Variants in PKIA observed in about 807,000 individuals in gnomAD.
PKIA encodes PKI-alpha.
PKIA carries 4 observed loss-of-function variants against 7.6 expected under a neutral mutation model. The observed-to-expected ratio is 0.52, with a 90% CI of 0.26 to 1.20. PKIA has a LOEUF of 1.20. Among genes scored for constraint, PKIA ranks in the 50% most tolerant of loss-of-function variants. PKIA has a pLI of 0.13. For missense variants in PKIA, 73 were observed against 86.2 expected (o/e 0.85, Z 0.61); for synonymous variants, 21 against 30.7 (o/e 0.68, Z 1.04).
chr8:78,542,383 T>C (rs1336756625), intron 1 of PKIA, among the ~76,000 whole-genome samples: 1 of 152,110 alleles, frequency 6.6e-6, no homozygotes, highest in Non-Finnish European at 1.5e-5. Flanking sequence ...CCAGCACCTA[T>C]ATTCATCTAT....
In PKIA at chr8:78,533,590, C is replaced by T. The variant is rs562355939; in HGVS notation, c.-157+17122C>T. Among the ~76,000 whole-genome samples, 3 of 152,224 alleles carry T rather than the reference C, an allele frequency of 2.0e-5. No homozygotes were observed. In the East Asian group the frequency reaches 5.8e-4, roughly 29 times the overall value. On this transcript the variant is annotated intron_variant, in intron 1 of 3. Coordinates refer to ENST00000396418, the MANE Select transcript of PKIA (RefSeq NM_006823.4). ...AGGAAAAGAGGGCTGGGCACAGTGG[C>T]TCACATCTATAATCCCAGCACTTTA...
At chr8:78,601,521 T>A (rs759372471) in intron 3 of PKIA, among the ~76,000 whole-genome samples, 8 of 152,058 alleles carry the variant, frequency 5.3e-5, no homozygotes, top group Non-Finnish European at 7.4e-5. Context: ...ATTATTTTGT[T>A]TTTGAGCCGT....
intron 1 of PKIA, among the ~76,000 whole-genome samples, chr8:78,570,180 G>C (rs1807512071): frequency 6.6e-6 from 1 of 152,062 alleles, no homozygotes; most frequent in Non-Finnish European, 1.5e-5. Context: ...ACAGATTTAA[G>C]AACCTAAGCA....
chr8:78,540,709 A>AT (rs774998973), intron 1 of PKIA, among the ~76,000 whole-genome samples: 4,353 of 146,298 alleles, frequency 0.03, 83 homozygotes, highest in Middle Eastern at 0.08. Context: ...TTTTTCGCAA[A>AT]TTTTTTTTTT....
intron 2 of PKIA, among the ~76,000 whole-genome samples, chr8:78,582,794 A>T (rs1807850547): frequency 6.6e-6 from 1 of 152,148 alleles, no homozygotes; most frequent in South Asian, 2.1e-4. Flanking sequence ...CGCAAACTCA[A>T]AACAGTTGAA....
At chr8:78,601,688 TA>T in intron 3 of PKIA, 53 bp from the exon 4 acceptor site, 1 of 1,344,846 alleles carries the variant, frequency 7.4e-7, no homozygotes, top group Non-Finnish European at 1.1e-6. Flanking sequence ...AGTTGGTAAA[TA>T]AAAGCAATCA....
chr8:78,577,291 A>T (rs1807696989), intron 2 of PKIA, among the ~76,000 whole-genome samples: 1 of 151,864 alleles, frequency 6.6e-6, no homozygotes, highest in Admixed American at 6.6e-5. Flanking sequence ...GAGCTAAATG[A>T]TGAGAATTCC....
At chr8:78,580,559 G>A (rs1585917022) in intron 2 of PKIA, among the ~76,000 whole-genome samples, 1 of 152,052 alleles carries the variant, frequency 6.6e-6, no homozygotes, top group Admixed American at 6.6e-5. Context: ...GCACCGAGGA[G>A]CATAGTGTGA....
intron 1 of PKIA, among the ~76,000 whole-genome samples, chr8:78,531,456 T>A (rs373232417): frequency 6.6e-6 from 1 of 152,164 alleles, no homozygotes; most frequent in South Asian, 2.1e-4. Flanking sequence ...ATGTTAATGT[T>A]TTGTATATTC....
At chr8:78,560,798 C>T (rs7844056) in intron 1 of PKIA, among the ~76,000 whole-genome samples, 36,051 of 152,048 alleles carry the variant, frequency 0.24, 4,927 homozygotes, top group African/African-American at 0.38. Flanking sequence ...TGAAAAGATA[C>T]ATAACATTTT....
At chr8:78,534,891 A>G (rs1177398113) in intron 1 of PKIA, 1 of 152,176 alleles carries the variant, frequency 6.6e-6, no homozygotes, top group South Asian at 2.1e-4. Context: ...CAGTTCATCA[A>G]ATACAGCCCT....
intron 1 of PKIA, among the ~76,000 whole-genome samples, chr8:78,544,965 A>G (rs1806784855): frequency 6.6e-6 from 1 of 152,158 alleles, no homozygotes; most frequent in Non-Finnish European, 1.5e-5. Context: ...TATATCCATT[A>G]TATGTCATAT....
chr8:78,572,341 A>C (rs921735079), intron 1 of PKIA, among the ~76,000 whole-genome samples: 1 of 151,820 alleles, frequency 6.6e-6, no homozygotes, highest in African/African-American at 2.4e-5. Flanking sequence ...ACAAATTCCA[A>C]TGTTTATGAA....
chr8:78,578,228 A>T (rs780018275), intron 2 of PKIA, among the ~76,000 whole-genome samples: 18 of 152,018 alleles, frequency 1.2e-4, no homozygotes, highest in Non-Finnish European at 1.9e-4. Context: ...CTGATTCTAA[A>T]ATTGTTATGA....
intron 1 of PKIA, among the ~76,000 whole-genome samples, chr8:78,551,705 A>G (rs1319560226): frequency 6.6e-6 from 1 of 152,020 alleles, no homozygotes; most frequent in African/African-American, 2.4e-5. Flanking sequence ...AGGGAGTGTC[A>G]ACACAAGGAG....
intron 1 of PKIA, among the ~76,000 whole-genome samples, chr8:78,569,085 C>A (rs1173474216): frequency 1.3e-5 from 2 of 152,074 alleles, no homozygotes; most frequent in Non-Finnish European, 2.9e-5. Flanking sequence ...GGGAGCTAAG[C>A]CCCCGCCTCT....
At chr8:78,540,081 T>TAAA in intron 1 of PKIA, among the ~76,000 whole-genome samples, 1 of 129,068 alleles carries the variant, frequency 7.7e-6, no homozygotes. Flanking sequence ...AGAAATGAAG[T>TAAA]AAAAAAAAAA....
chr8:78,589,714 C>A (rs1193170897), intron 2 of PKIA, among the ~76,000 whole-genome samples: 1 of 151,972 alleles, frequency 6.6e-6, no homozygotes, highest in East Asian at 1.9e-4. Flanking sequence ...TTTTTTAGTT[C>A]CAGGTTTACC....
intron 1 of PKIA, among the ~76,000 whole-genome samples, chr8:78,557,710 A>G (rs762795080): frequency 2.0e-5 from 3 of 152,294 alleles, no homozygotes; most frequent in Non-Finnish European, 1.5e-5. Context: ...AGGCTGTTCA[A>G]CTGCAGTTTA....
Sources: allele counts gnomAD v4.1 joint callset (sites outside exome capture counted in the v4.1 genomes callset), GRCh38; gene constraint gnomAD v4.1.1; transcripts MANE v1.5; gene names NCBI Gene and HGNC (gene_info 2026-07-23, HGNC 2026-07-21).